Variants in FHIT observed in about 807,000 individuals in gnomAD.
The protein encoded by FHIT is fragile histidine triad diadenosine triphosphatase.
In FHIT, 19 loss-of-function variants were observed where a neutral mutation model predicts 17.9. That is an observed-to-expected ratio of 1.06 (90% confidence interval 0.74 to 1.56). The LOEUF (loss-of-function observed/expected upper bound fraction) is 1.56, where lower values mean the gene tolerates loss of function less well. FHIT is among the 40% of genes most tolerant of loss of function. The probability of loss-of-function intolerance (pLI) is 0.00; values close to 1 mark genes in which losing one functional copy is unlikely to be tolerated. For synonymous variants in FHIT, 81 were observed against 69.7 expected (o/e 1.16, Z -0.81); for missense variants, 248 against 189.2 (o/e 1.31, Z -1.82).
intron 7 of FHIT, among the ~76,000 whole-genome samples, chr3:59,939,510 T>C (rs1209603766): frequency 2.0e-5 from 3 of 151,910 alleles, no homozygotes; most frequent in African/African-American, 7.3e-5. Context: ...GCGCAGGAGG[T>C]GAGGTGAGGT....
chr3:60,965,532 C>G (rs1365374634), intron 3 of FHIT, among the ~76,000 whole-genome samples: 1 of 152,202 alleles, frequency 6.6e-6, no homozygotes, highest in East Asian at 1.9e-4. Context: ...TTAGAATTTT[C>G]AGCTTTTCTG....
chr3:61,103,638 A>C (rs1377054985), intron 2 of FHIT, among the ~76,000 whole-genome samples: 1 of 152,066 alleles, frequency 6.6e-6, no homozygotes, highest in Non-Finnish European at 1.5e-5. Flanking sequence ...TGATCTGTCT[A>C]ATATTGACAG....
At chr3:60,198,306 T>C (rs765139151) in intron 5 of FHIT, among the ~76,000 whole-genome samples, 5 of 152,198 alleles carry the variant, frequency 3.3e-5, no homozygotes, top group Non-Finnish European at 7.3e-5. Context: ...CCTAAGTGCA[T>C]ATAAAAATTG....
chr3:59,804,547 AG>A (rs1445371922), intron 8 of FHIT, among the ~76,000 whole-genome samples: 2 of 152,230 alleles, frequency 1.3e-5, no homozygotes, highest in Non-Finnish European at 2.9e-5. Context: ...TAGGGGCTCA[AG>A]GGCCCCGTTA....
chr3:60,662,260 C>A (rs1342286327), intron 4 of FHIT, among the ~76,000 whole-genome samples: 1 of 152,160 alleles, frequency 6.6e-6, no homozygotes, highest in African/African-American at 2.4e-5. Flanking sequence ...CTACATGTGG[C>A]TTGCCAGTTA....
At chr3:59,951,945 C>A (rs1240278593) in intron 7 of FHIT, among the ~76,000 whole-genome samples, 1 of 152,212 alleles carries the variant, frequency 6.6e-6, no homozygotes, top group East Asian at 1.9e-4. Context: ...TGCCACTGAG[C>A]ATGCCAATCT....
At chr3:60,151,249 A>C (rs570394335) in intron 5 of FHIT, among the ~76,000 whole-genome samples, 7 of 152,300 alleles carry the variant, frequency 4.6e-5, no homozygotes, top group African/African-American at 1.7e-4. Context: ...TCAGTACATA[A>C]ATTATATAAT....
At chr3:59,957,950 C>A (rs1053337441) in intron 7 of FHIT, among the ~76,000 whole-genome samples, 1 of 152,194 alleles carries the variant, frequency 6.6e-6, no homozygotes, top group Admixed American at 6.5e-5. Context: ...ACAGCCTCAT[C>A]GTTTTAATCA....
intron 8 of FHIT, among the ~76,000 whole-genome samples, chr3:59,894,665 T>C (rs1263517144): frequency 1.3e-5 from 2 of 152,114 alleles, no homozygotes; most frequent in Admixed American, 1.3e-4. Flanking sequence ...CTGTAGTATG[T>C]TTGGACCGTG....
At chr3:60,122,939 A>G (rs1188886530) in intron 5 of FHIT, among the ~76,000 whole-genome samples, 1 of 152,232 alleles carries the variant, frequency 6.6e-6, no homozygotes, top group East Asian at 1.9e-4. Flanking sequence ...CACAAGTGAA[A>G]AAAAGATTTT....
chr3:60,668,905 C>G (rs1358185252), intron 4 of FHIT, among the ~76,000 whole-genome samples: 1 of 152,102 alleles, frequency 6.6e-6, no homozygotes, highest in Non-Finnish European at 1.5e-5. Context: ...TCTCTTGTAC[C>G]ATTACCAGAG....
chr3:60,716,392 A>T (rs2041683906), intron 4 of FHIT, among the ~76,000 whole-genome samples: 1 of 151,818 alleles, frequency 6.6e-6, no homozygotes, highest in South Asian at 2.1e-4. Flanking sequence ...TATTTGTATT[A>T]TTTTTTTAAA....
At chr3:60,237,492 G>C (rs1367882768) in intron 5 of FHIT, among the ~76,000 whole-genome samples, 1 of 152,106 alleles carries the variant, frequency 6.6e-6, no homozygotes, top group Non-Finnish European at 1.5e-5. Context: ...ATTATCAGAA[G>C]ACAGGGACCT....
At chr3:59,883,911 A>G (rs191214339) in intron 8 of FHIT, among the ~76,000 whole-genome samples, 11 of 152,316 alleles carry the variant, frequency 7.2e-5, no homozygotes, top group Admixed American at 5.9e-4. Context: ...AATACCCTTT[A>G]GTGTTCTATA....
intron 5 of FHIT, among the ~76,000 whole-genome samples, chr3:60,249,737 GA>G (rs1407193557): frequency 9.1e-6 from 1 of 110,244 alleles, no homozygotes; most frequent in African/African-American, 4.4e-5. Flanking sequence ...AAGGGGGAAG[GA>G]AAAAGAGGGA....
chr3:60,789,265 T>C (rs1417540376), intron 4 of FHIT, among the ~76,000 whole-genome samples: 1 of 151,512 alleles, frequency 6.6e-6, no homozygotes, highest in African/African-American at 2.4e-5. Flanking sequence ...CAAGCCTGAA[T>C]CCCAGCATTT....
intron 3 of FHIT, among the ~76,000 whole-genome samples, chr3:60,857,457 T>G (rs902124625): frequency 6.6e-6 from 1 of 152,138 alleles, no homozygotes. Context: ...CCTATAAACC[T>G]TAGTTTCCTC....
chr3:60,893,744 A>C (rs1171758033), intron 3 of FHIT, among the ~76,000 whole-genome samples: 1 of 152,116 alleles, frequency 6.6e-6, no homozygotes, highest in African/African-American at 2.4e-5. Flanking sequence ...TGACCCTTTC[A>C]TGTTTACCCC....
At chr3:60,986,888 A>G (rs889885484) in intron 3 of FHIT, among the ~76,000 whole-genome samples, 1 of 152,168 alleles carries the variant, frequency 6.6e-6, no homozygotes, top group African/African-American at 2.4e-5. Flanking sequence ...AATATCTCCC[A>G]TAGTGCTTTA....
Sources: gnomAD v4.1 joint callset for allele counts (sites outside exome capture counted in the v4.1 genomes callset) on GRCh38, gnomAD v4.1.1 for gene constraint, MANE v1.5 for transcripts, NCBI Gene and HGNC (gene_info 2026-07-23, HGNC 2026-07-21) for gene names.